COMMD1: variants seen among roughly 807,000 people sequenced by gnomAD.
COMMD1 encodes COMM domain-containing protein 1.
COMMD1 carries 10 observed loss-of-function variants against 17.2 expected under a neutral mutation model. That is an observed-to-expected ratio of 0.58 (90% CI 0.36 to 0.99). The LOEUF (loss-of-function observed/expected upper bound fraction) is 0.99, where lower values mean the gene tolerates loss of function less well. COMMD1 is among the 50% of genes least tolerant of loss of function. The probability of loss-of-function intolerance (pLI) is 0.01; values close to 1 mark genes in which losing one functional copy is unlikely to be tolerated. For synonymous variants in COMMD1, 97 were observed against 91.6 expected (o/e 1.06, Z -0.34); for missense variants, 270 against 231.8 (o/e 1.17, Z -1.07).
chr2:62,008,216 T>C (rs146374279), intron 2 of COMMD1, among the ~76,000 whole-genome samples: 449 of 152,212 alleles, frequency 2.9e-3, no homozygotes, highest in African/African-American at 1.0e-2. Context: ...AAAATCAGTT[T>C]ATACTGAGCT....
chr2:62,061,419 C>G (rs1670850400), intron 2 of COMMD1, among the ~76,000 whole-genome samples: 1 of 152,176 alleles, frequency 6.6e-6, no homozygotes, highest in South Asian at 2.1e-4. Context: ...GCTGAAACTT[C>G]TGTTCACATA....
At chr2:62,023,492 T>C (rs1669670173) in intron 2 of COMMD1, among the ~76,000 whole-genome samples, 1 of 152,120 alleles carries the variant, frequency 6.6e-6, no homozygotes, top group East Asian at 1.9e-4. Context: ...TGTGGATTTT[T>C]TTTTTTTTAA....
chr2:61,927,433 C>T (rs1670355100), intron 1 of COMMD1, among the ~76,000 whole-genome samples: 1 of 152,010 alleles, frequency 6.6e-6, no homozygotes, highest in Admixed American at 6.6e-5. Flanking sequence ...CACTGTGCAG[C>T]CCAGGCTGGA....
rs549707333 is a variant in COMMD1 at position 61,985,542 on chromosome 2, C to G, written c.181-15159C>G. Among the ~76,000 whole-genome samples, 11 of 152,178 alleles carry G rather than the reference C, an allele frequency of 7.2e-5. No homozygotes were observed. In the East Asian group the frequency reaches 1.2e-3, roughly 16 times the overall value. ...TGTTTTCTGGTTGTTTTGTGGTCTT[C>G]TCTCCCTTCTTTTCTTCCTCCTTGT... On this transcript the variant is annotated intron_variant, in intron 1 of 2. Coordinates refer to ENST00000311832, the MANE Select transcript of COMMD1 (RefSeq NM_152516.4).
intron 1 of COMMD1, among the ~76,000 whole-genome samples, chr2:61,920,938 C>A (rs912687019): frequency 1.5e-5 from 2 of 135,414 alleles, no homozygotes. Flanking sequence ...TATACATATA[C>A]GTGTGTTTGT....
intron 2 of COMMD1, among the ~76,000 whole-genome samples, chr2:62,037,907 C>G (rs13031620): frequency 0.14 from 21,937 of 152,160 alleles, 1,749 homozygotes; most frequent in East Asian, 0.21. Context: ...AGATAAGTCA[C>G]TTAACATATT....
chr2:62,095,965 GTTA>G (rs1388101531), intron 2 of COMMD1, among the ~76,000 whole-genome samples: 5 of 148,632 alleles, frequency 3.4e-5, no homozygotes, highest in African/African-American at 1.2e-4. Flanking sequence ...AAAAATCTGG[GTTA>G]TATATACACA....
At chr2:61,976,232 G>A (rs1183343136) in intron 1 of COMMD1, among the ~76,000 whole-genome samples, 1 of 148,020 alleles carries the variant, frequency 6.8e-6, no homozygotes, top group Non-Finnish European at 1.5e-5. Context: ...CATACTGTCA[G>A]AGTGAATCAA....
intron 2 of COMMD1, 82 bp downstream of exon 2, chr2:62,001,064 G>A: frequency 7.9e-7 from 1 of 1,261,168 alleles, no homozygotes; most frequent in South Asian, 1.2e-5. Flanking sequence ...TTGATTTTAT[G>A]CAATAACAGC....
chr2:62,131,831 C>T (rs1360492998), intron 2 of COMMD1, among the ~76,000 whole-genome samples: 1 of 151,946 alleles, frequency 6.6e-6, no homozygotes, highest in Non-Finnish European at 1.5e-5. Flanking sequence ...GCATGAGCCA[C>T]CACCCCTAGC....
chr2:61,890,375 A>G (rs1669398335), intron 1 of COMMD1, among the ~76,000 whole-genome samples: 1 of 152,086 alleles, frequency 6.6e-6, no homozygotes, highest in East Asian at 1.9e-4. Context: ...ATGCACCACC[A>G]TGCCCGGCTA....
intron 2 of COMMD1, among the ~76,000 whole-genome samples, chr2:62,074,883 GT>G (rs570489051): frequency 0.031 from 3,403 of 110,522 alleles, 23 homozygotes; most frequent in East Asian, 0.07. Flanking sequence ...TGTTTGTGTG[GT>G]TTTTTTTTTT....
chr2:61,985,060 AT>A (rs1447345726), intron 1 of COMMD1, among the ~76,000 whole-genome samples: 1 of 89,392 alleles, frequency 1.1e-5, no homozygotes, highest in Non-Finnish European at 2.4e-5. Context: ...TTTTTTTTTA[AT>A]TTTTTTTGAG....
At chr2:61,889,063 C>T (rs538708165) in intron 1 of COMMD1, among the ~76,000 whole-genome samples, 33 of 149,950 alleles carry the variant, frequency 2.2e-4, no homozygotes, top group Non-Finnish European at 1.3e-4. Context: ...CCACCATGCC[C>T]AGCTAATTTT....
upstream of COMMD1, among the ~76,000 whole-genome samples, chr2:61,902,053 G>A (rs1445306300): frequency 6.6e-6 from 1 of 151,824 alleles, no homozygotes; most frequent in Non-Finnish European, 1.5e-5. Context: ...GGATGGTCTC[G>A]ATCTCTTGAC....
At chr2:62,115,139 C>A (rs545863680) in intron 2 of COMMD1, among the ~76,000 whole-genome samples, 2 of 152,166 alleles carry the variant, frequency 1.3e-5, no homozygotes, top group East Asian at 3.8e-4. Context: ...TTTGTTAAAT[C>A]GGTTAAAACG....
intron 2 of COMMD1, among the ~76,000 whole-genome samples, chr2:62,024,619 C>G (rs1669703933): frequency 6.6e-6 from 1 of 152,086 alleles, no homozygotes; most frequent in African/African-American, 2.4e-5. Context: ...CCTTTTCGAC[C>G]TAGTTAGTCT....
At chr2:62,049,540 C>T (rs1221858783) in intron 2 of COMMD1, among the ~76,000 whole-genome samples, 1 of 152,120 alleles carries the variant, frequency 6.6e-6, no homozygotes, top group African/African-American at 2.4e-5. Context: ...ATGCACAGGA[C>T]AGCCCCACAA....
intron 2 of COMMD1, among the ~76,000 whole-genome samples, chr2:62,057,466 G>A (rs887183953): frequency 6.6e-6 from 1 of 152,112 alleles, no homozygotes; most frequent in Non-Finnish European, 1.5e-5. Flanking sequence ...GTTCTATTAA[G>A]ATTGTGTGTT....
Sources: gnomAD v4.1 joint callset for allele counts (sites outside exome capture counted in the v4.1 genomes callset) on GRCh38, gnomAD v4.1.1 for gene constraint, MANE v1.5 for transcripts, NCBI Gene and HGNC (gene_info 2026-07-23, HGNC 2026-07-21) for gene names.